NELL1: variants seen among roughly 807,000 people sequenced by gnomAD.
NELL1 encodes neural EGFL like 1.
Under a neutral mutation model 107.4 loss-of-function variants are expected in NELL1, and 76 were observed. The observed-to-expected ratio is 0.71, with a 90% CI of 0.59 to 0.86. NELL1 has a LOEUF of 0.86. NELL1 is among the 40% of genes least tolerant of loss of function. The probability of loss-of-function intolerance (pLI) is 0.00; values close to 1 mark genes in which losing one functional copy is unlikely to be tolerated. For synonymous variants in NELL1, 353 were observed against 341.2 expected (o/e 1.03, Z -0.38); for missense variants, 1,024 against 1,005.5 (o/e 1.02, Z -0.25).
intron 7 of NELL1, among the ~76,000 whole-genome samples, chr11:20,922,362 A>C (rs563207375): frequency 6.6e-6 from 1 of 151,746 alleles, no homozygotes; most frequent in Non-Finnish European, 1.5e-5. Flanking sequence ...AATTTTCAAA[A>C]GTTTTTATTT....
chr11:21,479,233 C>T (rs1423105324), intron 15 of NELL1, among the ~76,000 whole-genome samples: 1 of 152,136 alleles, frequency 6.6e-6, no homozygotes, highest in East Asian at 1.9e-4. Context: ...GAGATATCTA[C>T]ACTCCTATGT....
intron 13 of NELL1, among the ~76,000 whole-genome samples, chr11:21,188,471 T>C (rs1471542629): frequency 8.1e-6 from 1 of 122,744 alleles, no homozygotes; most frequent in Non-Finnish European, 1.9e-5. Flanking sequence ...GTAAAGACTT[T>C]CAGGGCCCTA....
intron 2 of NELL1, among the ~76,000 whole-genome samples, chr11:20,706,504 A>T (rs1840274921): frequency 8.8e-6 from 1 of 113,594 alleles, no homozygotes; most frequent in African/African-American, 3.5e-5. Flanking sequence ...AACATCACAC[A>T]CTGGGGACTG....
intron 14 of NELL1, among the ~76,000 whole-genome samples, chr11:21,287,219 T>G (rs144315921): frequency 1.3e-5 from 2 of 152,206 alleles, no homozygotes; most frequent in African/African-American, 4.8e-5. Flanking sequence ...TTCTTGAATC[T>G]GGCAACCCCT....
chr11:21,049,832 C>T (rs1853448873), intron 12 of NELL1, among the ~76,000 whole-genome samples: 1 of 152,050 alleles, frequency 6.6e-6, no homozygotes, highest in Admixed American at 6.6e-5. Context: ...TGCATGCCAC[C>T]ACTCCTGGCT....
At chr11:21,476,041 A>G in intron 15 of NELL1, among the ~76,000 whole-genome samples, 1 of 152,156 alleles carries the variant, frequency 6.6e-6, no homozygotes, top group East Asian at 1.9e-4. Flanking sequence ...ATGTACAGTT[A>G]ATTACTCATA....
intron 15 of NELL1, among the ~76,000 whole-genome samples, chr11:21,468,308 T>C (rs1341144581): frequency 6.6e-6 from 1 of 152,152 alleles, no homozygotes; most frequent in East Asian, 1.9e-4. Context: ...AAGTTGCTTA[T>C]GGCTTTTAAT....
intron 15 of NELL1, among the ~76,000 whole-genome samples, chr11:21,472,141 T>A (rs1854197944): frequency 2.1e-5 from 2 of 95,166 alleles, no homozygotes; most frequent in Admixed American, 2.4e-4. Flanking sequence ...AAGATTTGCT[T>A]TCTGTTTTGT....
intron 2 of NELL1, among the ~76,000 whole-genome samples, chr11:20,683,360 T>C (rs1854234104): frequency 6.6e-6 from 1 of 152,076 alleles, no homozygotes; most frequent in South Asian, 2.1e-4. Flanking sequence ...AGATTTGTTA[T>C]ATGGGTAAAT....
At chr11:20,815,107 C>A (rs1857595534) in intron 3 of NELL1, among the ~76,000 whole-genome samples, 1 of 152,056 alleles carries the variant, frequency 6.6e-6, no homozygotes, top group Admixed American at 6.6e-5. Flanking sequence ...CTCTGTCGCC[C>A]AGGCTGGAGT....
rs58734619 is a variant in NELL1 at position 21,386,375 on chromosome 11, A to C, written c.1645+15427A>C. Among the ~76,000 whole-genome samples, 1,298 of 152,010 alleles carry C rather than the reference A, an allele frequency of 8.5e-3. 13 individuals are homozygous for C. The highest frequency in any genetic ancestry group is 0.029 in the African/African-American group (1,218 of 41,520). On this transcript the variant is annotated intron_variant, in intron 15 of 19. Coordinates refer to ENST00000357134, the MANE Select transcript of NELL1 (RefSeq NM_006157.5). ...GTATCATGTTCTGAATGACAGAAGC[A>C]TTAACATCTTTTTTTAAAAAAACCT...
At chr11:21,047,496 C>A (rs1853384886) in intron 12 of NELL1, among the ~76,000 whole-genome samples, 1 of 152,018 alleles carries the variant, frequency 6.6e-6, no homozygotes, top group Non-Finnish European at 1.5e-5. Flanking sequence ...TAATGTCAAG[C>A]CATTTTGCAT....
At position 20,800,716 on chromosome 11, in the gene NELL1, G is replaced by T. The variant is rs74493898; in HGVS notation, c.335+16886G>T. On this transcript the variant is annotated intron_variant, in intron 3 of 19. Coordinates refer to ENST00000357134, the MANE Select transcript of NELL1 (RefSeq NM_006157.5). ...TCTAAGATGGGTGCAGCACAAAAGT[G>T]GGGGAAGTAGGTGGTGTGTGGGAAT... 5.0e-3 allele frequency among the ~76,000 whole-genome samples: 767 copies of T among 152,290 alleles called. 5 individuals are homozygous for T. Among genetic ancestry groups the T allele is most frequent in the African/African-American group, 0.018 (733 of 41,562 alleles).
chr11:20,993,969 A>G (rs1264941197), intron 12 of NELL1, among the ~76,000 whole-genome samples: 1 of 152,160 alleles, frequency 6.6e-6, no homozygotes, highest in Non-Finnish European at 1.5e-5. Flanking sequence ...GATGACAAAT[A>G]TGATTCTAAT....
intron 14 of NELL1, among the ~76,000 whole-genome samples, chr11:21,352,451 G>T (rs1324435174): frequency 1.3e-5 from 2 of 152,002 alleles, no homozygotes; most frequent in Admixed American, 1.3e-4. Flanking sequence ...TTTTTTAACT[G>T]GGAAATTCAT....
intron 15 of NELL1, among the ~76,000 whole-genome samples, chr11:21,415,072 A>G (rs1001217578): frequency 6.6e-6 from 1 of 152,104 alleles, no homozygotes; most frequent in Non-Finnish European, 1.5e-5. Context: ...AGTTTATGCT[A>G]TTCACTCCTG....
intron 14 of NELL1, among the ~76,000 whole-genome samples, chr11:21,274,184 C>T (rs1206924269): frequency 3.9e-5 from 6 of 151,968 alleles, no homozygotes; most frequent in Non-Finnish European, 5.9e-5. Flanking sequence ...CACACATAGG[C>T]TCAAAATAAA....
intron 15 of NELL1, among the ~76,000 whole-genome samples, chr11:21,486,401 C>T (rs1311861237): frequency 6.6e-6 from 1 of 152,190 alleles, no homozygotes; most frequent in East Asian, 1.9e-4. Flanking sequence ...CATACAAAGA[C>T]TGAACTACTG....
intron 11 of NELL1, among the ~76,000 whole-genome samples, chr11:20,958,876 G>A (rs12222198): frequency 0.33 from 49,712 of 151,964 alleles, 8,505 homozygotes; most frequent in East Asian, 0.59. Flanking sequence ...GTCCATCCAT[G>A]GTATAGGCAT....
Sources: gnomAD v4.1 joint callset for allele counts (sites outside exome capture counted in the v4.1 genomes callset) on GRCh38, gnomAD v4.1.1 for gene constraint, MANE v1.5 for transcripts, NCBI Gene and HGNC (gene_info 2026-07-23, HGNC 2026-07-21) for gene names.